The following ZNF277 variants were observed in gnomAD, a reference collection of about 807,000 sequenced individuals.
The protein encoded by ZNF277 is nuclear receptor-interacting factor 4.
A neutral mutation model predicts 60.7 loss-of-function variants in ZNF277; 55 were observed. The ratio of observed to expected loss-of-function variants is 0.91; its 90% CI spans 0.73 to 1.13. ZNF277 has a LOEUF of 1.13. Ranked by LOEUF, ZNF277 falls within the 50% of genes most tolerant of loss-of-function variation. The pLI, the probability that ZNF277 is intolerant of heterozygous loss-of-function variation, is 0.00. For synonymous variants in ZNF277, 178 were observed against 179.3 expected, an observed-to-expected ratio of 0.99 and a Z score of 0.06; for missense variants, 510 against 523.0, an observed-to-expected ratio of 0.98 and a Z score of 0.24.
At chr7:112,307,478 G>C (rs1303006256) in intron 4 of ZNF277, among the ~76,000 whole-genome samples, 1 of 150,220 alleles carries the variant, frequency 6.7e-6, no homozygotes, top group African/African-American at 2.5e-5. Flanking sequence ...GCAGTGGTGT[G>C]ATCTCGGCTC....
intron 9 of ZNF277, 70 bp from the exon 10 acceptor site, chr7:112,339,773 G>A (rs1024960882): frequency 3.4e-5 from 50 of 1,473,090 alleles, no homozygotes; most frequent in Non-Finnish European, 4.5e-5. Context: ...CTGTGAATAA[G>A]TTGTTTATAA....
intron 1 of ZNF277, among the ~76,000 whole-genome samples, chr7:112,263,495 T>C (rs1791479699): frequency 6.6e-6 from 1 of 152,216 alleles, no homozygotes; most frequent in South Asian, 2.1e-4. Context: ...TGATGCCTAA[T>C]AGAAACAGGC....
At chr7:112,276,162 AT>A (rs896432661) in intron 1 of ZNF277, among the ~76,000 whole-genome samples, 2 of 152,192 alleles carry the variant, frequency 1.3e-5, no homozygotes, top group African/African-American at 4.8e-5. Flanking sequence ...AAAAGAATAG[AT>A]TTGGAAATAA....
intron 7 of ZNF277, among the ~76,000 whole-genome samples, chr7:112,332,772 C>G (rs1040878107): frequency 6.6e-6 from 1 of 152,078 alleles, no homozygotes; most frequent in Admixed American, 6.6e-5. Context: ...GTGTTGATGC[C>G]TTAGCATTAT....
At chr7:112,296,168 C>A in intron 3 of ZNF277, 61 bp from the exon 4 acceptor site, 3 of 1,199,270 alleles carry the variant, frequency 2.5e-6, no homozygotes, top group Non-Finnish European at 3.7e-6. Context: ...AGAAATAAGT[C>A]CTTCTGGGGA....
intron 1 of ZNF277, among the ~76,000 whole-genome samples, chr7:112,220,839 C>A (rs1320282730): frequency 6.6e-6 from 1 of 152,134 alleles, no homozygotes; most frequent in African/African-American, 2.4e-5. Context: ...AATCATCTAT[C>A]ACCTGAGAGC....
At chr7:112,250,015 G>A (rs1024711733) in intron 1 of ZNF277, among the ~76,000 whole-genome samples, 6 of 152,172 alleles carry the variant, frequency 3.9e-5, no homozygotes, top group Admixed American at 6.5e-5. Context: ...AACTCTGACC[G>A]CCGGTGAGCC....
intron 1 of ZNF277, among the ~76,000 whole-genome samples, chr7:112,238,292 T>C (rs550352150): frequency 2.0e-5 from 3 of 152,194 alleles, no homozygotes; most frequent in Non-Finnish European, 4.4e-5. Flanking sequence ...AGCTCTGTGC[T>C]GCCCTGTCAC....
In ZNF277 at chr7:112,330,148, A is replaced by G. The variant is rs746755905; in HGVS notation, c.733A>G (p.Lys245Glu). ...DKNTLKDHMRKKQHRKINPKN... is the reference protein window; with the variant it reads ...DKNTLKDHMREKQHRKINPKN... The stretch of plus-strand genomic sequence containing the variant: ...AAATACACTTAAAGATCACATGAGG[A>G]AAAAACAGCATCGTAAGATTAATCC... Residue 245 changes from lysine to glutamate, a missense_variant, in exon 7 of 12, where the codon AAA (lysine) becomes GAA (glutamate). Lys to Glu is a moderately conservative substitution (Grantham distance 56). Transcript: ENST00000361822. 1.2e-6 allele frequency: 2 copies of G among 1,613,404 alleles called. No homozygotes were observed. The highest frequency in any genetic ancestry group is 2.2e-5 in the East Asian group (1 of 44,794).
intron 7 of ZNF277, among the ~76,000 whole-genome samples, chr7:112,335,030 T>A (rs1793303287): frequency 6.6e-6 from 1 of 152,166 alleles, no homozygotes; most frequent in South Asian, 2.1e-4. Flanking sequence ...TAATGACAGC[T>A]TCAAAACCTC....
chr7:112,315,316 CT>C (rs1181179800), intron 4 of ZNF277, among the ~76,000 whole-genome samples: 1 of 151,936 alleles, frequency 6.6e-6, no homozygotes. Flanking sequence ...TAGTTTTGTT[CT>C]AGGTTAAAAG....
At chr7:112,299,548 G>A (rs563881498) in intron 4 of ZNF277, among the ~76,000 whole-genome samples, 2 of 152,216 alleles carry the variant, frequency 1.3e-5, no homozygotes, top group South Asian at 2.1e-4. Context: ...ACAGCCAGAG[G>A]GTTTTGAAGT....
At chr7:112,298,900 C>T (rs186808830) in intron 4 of ZNF277, among the ~76,000 whole-genome samples, 102 of 152,258 alleles carry the variant, frequency 6.7e-4, no homozygotes, top group African/African-American at 2.2e-3. Context: ...GCCATGCCAG[C>T]GTAGTCATTA....
intron 5 of ZNF277, among the ~76,000 whole-genome samples, chr7:112,319,667 AAT>A (rs1229532806): frequency 6.8e-6 from 1 of 147,298 alleles, no homozygotes; most frequent in East Asian, 1.9e-4. Flanking sequence ...TAATATATAT[AAT>A]ATATATTATA....
chr7:112,302,783 A>G (rs2117087544), intron 4 of ZNF277, among the ~76,000 whole-genome samples: 1 of 152,180 alleles, frequency 6.6e-6, no homozygotes, highest in South Asian at 2.1e-4. Flanking sequence ...CAGGAAATGC[A>G]AGGTCAAGGA....
At chr7:112,341,102 C>T in intron 11 of ZNF277, 56 bp downstream of exon 11, 1 of 1,470,328 alleles carries the variant, frequency 6.8e-7, no homozygotes, top group Admixed American at 2.6e-5. Context: ...GATTTTGTCC[C>T]TTTATTTAAT....
rs544590376 is a variant in ZNF277, at chr7:112,209,352, T to C, written c.91+2545T>C. ...AATATATTCAGCATACATTGCCACC[T>C]GTAGTATATGAGTGTTCTTTCCCCC... On this transcript the variant is annotated intron_variant, in intron 1 of 11. Coordinates refer to ENST00000361822, the MANE Select transcript of ZNF277 (RefSeq NM_021994.3). Among the ~76,000 whole-genome samples, 6 of 152,344 alleles carry C rather than the reference T, an allele frequency of 3.9e-5. No homozygotes were observed. In the South Asian group the frequency reaches 1.2e-3, roughly 32 times the overall value.
intron 5 of ZNF277, among the ~76,000 whole-genome samples, chr7:112,320,681 C>T (rs1449605366): frequency 6.6e-6 from 1 of 152,040 alleles, no homozygotes; most frequent in Non-Finnish European, 1.5e-5. Context: ...GAAAGTATAT[C>T]TTATAGACAG....
At chr7:112,306,349 G>A (rs978767414) in intron 4 of ZNF277, among the ~76,000 whole-genome samples, 1 of 151,782 alleles carries the variant, frequency 6.6e-6, no homozygotes, top group South Asian at 2.1e-4. Context: ...TGAGTAGCTG[G>A]GGTTACAGGC....
Sources: gnomAD v4.1 joint callset for allele counts (sites outside exome capture counted in the v4.1 genomes callset) on GRCh38, gnomAD v4.1.1 for gene constraint, MANE v1.5 for transcripts, NCBI Gene and HGNC (gene_info 2026-07-23, HGNC 2026-07-21) for gene names.